MYOT: variants seen among roughly 807,000 people sequenced by gnomAD.
MYOT encodes myotilin, also known as 57 kDa cytoskeletal protein.
MYOT carries 36 observed loss-of-function variants against 58.0 expected under a neutral mutation model. That is an observed-to-expected ratio of 0.62 (90% confidence interval 0.48 to 0.82). The LOEUF (loss-of-function observed/expected upper bound fraction) is 0.82. Among genes scored for constraint, MYOT ranks in the 40% least tolerant of loss-of-function variants. The pLI is 0.00. For synonymous variants in MYOT, 218 were observed against 204.6 expected (o/e 1.07, Z -0.56); for missense variants, 505 against 592.1 (o/e 0.85, Z 1.53).
chr5:137,883,650 A>C, intron 7 of MYOT, 59 bp downstream of exon 7: 1 of 1,488,950 alleles, frequency 6.7e-7, no homozygotes, highest in Non-Finnish European at 9.3e-7. Flanking sequence ...TGAAAAAAAG[A>C]AAGTATTTTA....
chr5:137,881,842 AC>A, intron 5 of MYOT, 130 bp from the exon 6 acceptor site: 1 of 918,812 alleles, frequency 1.1e-6, no homozygotes, highest in South Asian at 1.4e-5. Context: ...AGATTGGGCC[AC>A]TGTACTCCAG....
At chr5:137,874,343 T>C (rs1422045141) in intron 2 of MYOT, among the ~76,000 whole-genome samples, 1 of 152,080 alleles carries the variant, frequency 6.6e-6, no homozygotes, top group African/African-American at 2.4e-5. Context: ...GGCGGGTGCC[T>C]GTAATCCCAG....
Position 137,870,981 on chromosome 5 carries a change from T to C in MYOT, c.330T>C (p.Ser110=), listed in dbSNP as rs1561657587. The part of the protein sequence containing the change: ...ILPSQPDYNS[S]KIPSAMDSNY... ...CATCACAGCCTGATTACAATAGCAG[T>C]AAAATCCCTTCCGCTATGGATTCCA... Residue 110 remains serine (S), a synonymous_variant, in exon 2 of 10, where the codon AGT becomes AGC. Coordinates refer to ENST00000239926, the MANE Select transcript of MYOT (RefSeq NM_006790.3). The C allele has an allele frequency of 6.2e-7, 1 of 1,613,942 alleles. No homozygotes were observed. Among genetic ancestry groups the C allele is most frequent in the Middle Eastern group, 1.6e-4 (1 of 6,062 alleles).
chr5:137,877,903 G>A (rs72801618), intron 4 of MYOT, among the ~76,000 whole-genome samples: 1 of 152,218 alleles, frequency 6.6e-6, no homozygotes, highest in Non-Finnish European at 1.5e-5. Context: ...GTTAGACCTA[G>A]GACTCTCTAT....
intron 2 of MYOT, 84 bp from the exon 3 acceptor site, chr5:137,875,745 G>A (rs1755191571): frequency 3.1e-6 from 4 of 1,270,552 alleles, no homozygotes; most frequent in Middle Eastern, 1.9e-4. Context: ...AGTACTAAGT[G>A]GTAAACTCAA....
intron 2 of MYOT, 78 bp downstream of exon 2, chr5:137,871,085 T>C: frequency 8.5e-7 from 1 of 1,182,484 alleles, no homozygotes; most frequent in Non-Finnish European, 1.2e-6. Flanking sequence ...GTTTTGGGGG[T>C]ATGCTGCAGT....
chr5:137,875,769 A>T (rs973150236), intron 2 of MYOT, 60 bp from the exon 3 acceptor site: 42 of 1,538,898 alleles, frequency 2.7e-5, no homozygotes, highest in Middle Eastern at 1.7e-4. Flanking sequence ...ATCTAAAGGT[A>T]ATTTGCAAAA....
intron 4 of MYOT, among the ~76,000 whole-genome samples, chr5:137,879,064 T>C (rs1019263039): frequency 6.6e-6 from 1 of 152,048 alleles, no homozygotes; most frequent in Non-Finnish European, 1.5e-5. Context: ...GACTCCCAAA[T>C]AGATGGGACT....
Position 137,879,472 on chromosome 5 carries a change from T to C in MYOT, c.634-1344T>C, listed in dbSNP as rs185805705. Reference sequence around the variant, plus strand: ...AAAATGAGACACAAACTCATCACTATTAGGGGAATTACTCAAAGCAATATT... The same window carrying C: ...AAAATGAGACACAAACTCATCACTACTAGGGGAATTACTCAAAGCAATATT... On this transcript the variant is annotated intron_variant, in intron 4 of 9. Coordinates refer to ENST00000239926, the MANE Select transcript of MYOT (RefSeq NM_006790.3). 6.9e-4 allele frequency among the ~76,000 whole-genome samples: 104 copies of C among 151,682 alleles called. No homozygotes were observed. The East Asian group carries it at 9.9e-3, about 14-fold the overall frequency.
At chr5:137,883,194 T>C (rs561409589) in intron 6 of MYOT, 190 bp from the exon 7 acceptor site, 1 of 591,474 alleles carries the variant, frequency 1.7e-6, no homozygotes, top group South Asian at 2.0e-5. Context: ...CTAAAAATAC[T>C]ATGTTAATTT....
At position 137,877,347 on chromosome 5, in the gene MYOT, G is replaced by A. The variant is rs143794741; in HGVS notation, c.532-173G>A. On this transcript the variant is annotated intron_variant, in intron 3 of 9. Transcript: ENST00000239926. ...TGTGCCACTGCACTCCAGCCTGGGC[G>A]ACGGAGTAAGACTCCGTCTCAAAAA... 0.13 allele frequency among the ~76,000 whole-genome samples: 17,789 copies of A among 133,532 alleles called. 1,720 individuals carry two copies. The highest frequency in any genetic ancestry group is 0.54 in the East Asian group (2,575 of 4,730). The allele number at this position is 133,532 out of a possible 152,430, so 87.6% of individuals were successfully genotyped here. A position where few individuals can be genotyped will look rare whatever the true frequency, so the allele number is the denominator to read the frequency against.
intron 1 of MYOT, among the ~76,000 whole-genome samples, chr5:137,869,853 A>C (rs1194523297): frequency 6.6e-6 from 1 of 152,110 alleles, no homozygotes; most frequent in Non-Finnish European, 1.5e-5. Flanking sequence ...AAAAATGTAT[A>C]AGTGGCTCTG....
intron 1 of MYOT, 114 bp from the exon 2 acceptor site, chr5:137,870,327 A>AC (rs1561657135): frequency 1.6e-4 from 68 of 412,656 alleles, no homozygotes; most frequent in Middle Eastern, 1.5e-3. Flanking sequence ...ACACACACAC[A>AC]AAAGGAAGGA....
intron 2 of MYOT, among the ~76,000 whole-genome samples, chr5:137,871,730 T>A (rs1193565699): frequency 6.6e-6 from 1 of 152,232 alleles, no homozygotes; most frequent in Non-Finnish European, 1.5e-5. Context: ...CTATTTCCAC[T>A]ACCCTAAGAC....
intron 5 of MYOT, 148 bp from the exon 6 acceptor site, chr5:137,881,825 T>G: frequency 5.1e-6 from 4 of 785,698 alleles, no homozygotes; most frequent in African/African-American, 1.7e-5. Flanking sequence ...GCCTCCTGAG[T>G]GAGCTGAGAT....
At chr5:137,885,236 A>G (rs1755558304) in intron 7 of MYOT, among the ~76,000 whole-genome samples, 1 of 152,190 alleles carries the variant, frequency 6.6e-6, no homozygotes, top group Non-Finnish European at 1.5e-5. Flanking sequence ...GAGTTTACAA[A>G]GTATCTCTTT....
At chr5:137,873,338 C>T (rs887741655) in intron 2 of MYOT, among the ~76,000 whole-genome samples, 4 of 151,638 alleles carry the variant, frequency 2.6e-5, no homozygotes, top group African/African-American at 9.7e-5. Flanking sequence ...ACCAGCCTGG[C>T]CAACATGGTG....
rs896988518 is a variant in MYOT at position 137,870,478 on chromosome 5, C to G, written c.-174C>G. 3.0e-6 allele frequency: 2 copies of G among 670,716 alleles called. No homozygotes were observed. Among genetic ancestry groups the G allele is most frequent in the Non-Finnish European group, 5.4e-6 (2 of 373,452 alleles). The allele number at this position is 670,716 out of a possible 1,614,324, so 41.5% of individuals were successfully genotyped here. A position where few individuals can be genotyped will look rare whatever the true frequency, so the allele number is the denominator to read the frequency against. On this transcript the variant is annotated 5_prime_UTR_variant, in exon 2 of 10. Transcript: ENST00000239926. ...TCAAGAGAAGGTCACTCTACCAAAG[C>G]CAGGAGCACAGTATTCTCAGGATCT... is the stretch of plus-strand genomic sequence containing the variant.
At chr5:137,872,619 G>A (rs1254629675) in intron 2 of MYOT, among the ~76,000 whole-genome samples, 1 of 152,188 alleles carries the variant, frequency 6.6e-6, no homozygotes, top group Non-Finnish European at 1.5e-5. Context: ...GCTGTGCAGA[G>A]TGGAAAGCCC....
Sources: gnomAD v4.1 joint callset for allele counts (sites outside exome capture counted in the v4.1 genomes callset) on GRCh38, gnomAD v4.1.1 for gene constraint, MANE v1.5 for transcripts, NCBI Gene and HGNC (gene_info 2026-07-23, HGNC 2026-07-21) for gene names.